RBM33: variants seen among roughly 807,000 people sequenced by gnomAD.
RBM33 encodes the protein RNA binding motif protein 33.
Under a neutral mutation model 132.6 loss-of-function variants are expected in RBM33, and 28 were observed. That is an observed-to-expected ratio of 0.21 (90% CI 0.16 to 0.29). The LOEUF (loss-of-function observed/expected upper bound fraction) is 0.29, where lower values mean the gene tolerates loss of function less well. Among genes scored for constraint, RBM33 ranks in the 10% least tolerant of loss-of-function variants. The pLI, the probability that RBM33 is intolerant of heterozygous loss-of-function variation, is 1.00. For synonymous variants in RBM33, 634 were observed against 593.0 expected, an observed-to-expected ratio of 1.07 and a Z score of -1.01; for missense variants, 1,291 against 1,518.5, an observed-to-expected ratio of 0.85 and a Z score of 2.49.
At chr7:155,689,632 A>C (rs1799575688) in intron 5 of RBM33, among the ~76,000 whole-genome samples, 1 of 152,176 alleles carries the variant, frequency 6.6e-6, no homozygotes, top group Non-Finnish European at 1.5e-5. Context: ...TTCCCTCTAC[A>C]CACTGCTTTA....
chr7:155,701,096 T>C, intron 6 of RBM33, 152 bp downstream of exon 6: 1 of 670,604 alleles, frequency 1.5e-6, no homozygotes, highest in South Asian at 1.7e-5. Flanking sequence ...GAGTGCTGTT[T>C]ATGGTACTGT....
At position 155,780,162 on chromosome 7, in the gene RBM33, G is replaced by A. The variant is rs1802765308; in HGVS notation, c.*5121G>A. Reference sequence around the variant, plus strand: ...CCCGTGGCGGAAGCTGGTTTTGCAAGGACTGTGTAAGCTGTATGCGTTCTA... The same window carrying A: ...CCCGTGGCGGAAGCTGGTTTTGCAAAGACTGTGTAAGCTGTATGCGTTCTA... On this transcript the variant is annotated 3_prime_UTR_variant, in exon 18 of 18. Transcript: ENST00000401878. 2 of 152,200 alleles carry A rather than the reference G, an allele frequency of 1.3e-5. No homozygotes were observed. The allele number at this position is 152,200 out of a possible 1,614,324, so 9.4% of individuals were successfully genotyped here.
At chr7:155,768,803 C>T (rs1380803280) in intron 16 of RBM33, among the ~76,000 whole-genome samples, 15 of 152,056 alleles carry the variant, frequency 9.9e-5, no homozygotes, top group Non-Finnish European at 1.6e-4. Context: ...TTAGTAGAGA[C>T]GAGGTTTCAC....
At chr7:155,654,110 T>G (rs1220120673) in intron 1 of RBM33, among the ~76,000 whole-genome samples, 1 of 152,008 alleles carries the variant, frequency 6.6e-6, no homozygotes, top group Non-Finnish European at 1.5e-5. Flanking sequence ...AAAACCAAAC[T>G]TATTAACTTC....
chr7:155,695,007 C>T (rs563567479), intron 5 of RBM33, among the ~76,000 whole-genome samples: 65 of 152,312 alleles, frequency 4.3e-4, no homozygotes, highest in Admixed American at 1.3e-3. Flanking sequence ...CCATTTGGCA[C>T]TCCCACCGGT....
rs571571952 is a variant in RBM33, at chr7:155,755,566, T to C, written c.2980-8246T>C. On this transcript the variant is annotated intron_variant, in intron 14 of 17. Transcript: ENST00000401878. The stretch of plus-strand genomic sequence containing the variant: ...TGGTTGGGGAATTTGTCAAGTGTTG[T>C]CACTCTAGAATAATGCTGCTTAGCG... Among the ~76,000 whole-genome samples, 13 of 152,354 alleles carry C rather than the reference T, an allele frequency of 8.5e-5. No homozygotes were observed. The East Asian group carries it at 2.3e-3, about 27-fold the overall frequency.
In RBM33 at chr7:155,745,801, G is replaced by T; in HGVS notation, c.2979+199G>T. On this transcript the variant is annotated intron_variant, in intron 14 of 17. Coordinates refer to ENST00000401878, the MANE Select transcript of RBM33 (RefSeq NM_053043.3). This position sits in a 1 kb window ranked among gnomAD's most constrained non-coding sequence, Gnocchi z 4.1. ...CATTCTCAGAAATGTGTTGTTAGGC[G>T]ATTTTGTCATTGTCTGAACGTGCTA... 3.3e-6 allele frequency: 2 copies of T among 603,850 alleles called. No individual in the cohort carries two copies. Among genetic ancestry groups the T allele is most frequent in the South Asian group, 4.2e-5 (2 of 48,032 alleles). The allele number at this position is 603,850 out of a possible 1,614,324, so 37.4% of individuals were successfully genotyped here.
At position 155,700,956 on chromosome 7, in the gene RBM33, G is replaced by A. The variant is rs766043186; in HGVS notation, c.739+12G>A. ...TCCAGAAACTTTGGGTAACTTTTTTGCCTGTCTCCCATCCTCCTTTACTCT... is the reference window on the plus strand; with the variant it reads ...TCCAGAAACTTTGGGTAACTTTTTTACCTGTCTCCCATCCTCCTTTACTCT... On this transcript the variant is annotated intron_variant, in intron 6 of 17. Coordinates refer to ENST00000401878, the MANE Select transcript of RBM33 (RefSeq NM_053043.3). The A allele has an allele frequency of 1.2e-6, 2 of 1,600,622 alleles. No individual in the cohort carries two copies. Among genetic ancestry groups the A allele is most frequent in the Non-Finnish European group, 1.7e-6 (2 of 1,170,762 alleles).
chr7:155,721,502 T>C (rs548222580), intron 9 of RBM33, among the ~76,000 whole-genome samples: 2 of 152,188 alleles, frequency 1.3e-5, no homozygotes, highest in African/African-American at 2.4e-5. Flanking sequence ...TATACAAGAA[T>C]GCAGCTTCAT....
chr7:155,705,980 T>TATA (rs1800100874), intron 6 of RBM33, among the ~76,000 whole-genome samples: 1 of 152,204 alleles, frequency 6.6e-6, no homozygotes, highest in Non-Finnish European at 1.5e-5. Flanking sequence ...ATTGAAATGA[T>TATA]ATGTATTAAA....
At position 155,745,149 on chromosome 7, in the gene RBM33, G is replaced by A. The variant is rs1291729432; in HGVS notation, c.2526G>A (p.Glu842=). 57 of 1,605,392 alleles carry A rather than the reference G, an allele frequency of 3.6e-5. No individual in the cohort carries two copies. Among genetic ancestry groups the A allele is most frequent in the Non-Finnish European group, 4.8e-5 (57 of 1,175,506 alleles). ...QQLYAPPPPA[E]QEEQALSPSP... is the part of the protein sequence containing the mutation. ...TGTACGCTCCCCCACCCCCAGCAGA[G>A]CAGGAAGAGCAGGCACTGTCACCAT... Residue 842 remains glutamate, a synonymous_variant, in exon 14 of 18, where the codon GAG becomes GAA. Coordinates refer to ENST00000401878, the MANE Select transcript of RBM33 (RefSeq NM_053043.3). The surrounding 1 kb of genome is among the most constrained non-coding windows in gnomAD (Gnocchi z 4.1).
chr7:155,706,810 C>G, intron 6 of RBM33, 50 bp from the exon 7 acceptor site: 1 of 1,430,564 alleles, frequency 7.0e-7, no homozygotes, highest in African/African-American at 1.4e-5. Context: ...CCTAGACCTC[C>G]AGTTTGGGCT....
intron 14 of RBM33, among the ~76,000 whole-genome samples, chr7:155,748,701 A>G (rs554987893): frequency 3.3e-5 from 5 of 151,606 alleles, no homozygotes; most frequent in Admixed American, 2.6e-4. Context: ...GGTTAATTAT[A>G]TCGCCTTTCA....
chr7:155,659,626 T>C (rs953668401), intron 1 of RBM33, among the ~76,000 whole-genome samples: 6 of 152,200 alleles, frequency 3.9e-5, no homozygotes, highest in South Asian at 2.1e-4. Context: ...TATATACACA[T>C]AGGAGACCCA....
At chr7:155,648,743 C>T (rs1377432351) in intron 1 of RBM33, among the ~76,000 whole-genome samples, 1 of 151,964 alleles carries the variant, frequency 6.6e-6, no homozygotes, top group African/African-American at 2.4e-5. Flanking sequence ...TTTAGCATTT[C>T]TTGTAGGGCA....
chr7:155,657,028 A>G (rs1017327350), intron 1 of RBM33, among the ~76,000 whole-genome samples: 1 of 152,060 alleles, frequency 6.6e-6, no homozygotes, highest in African/African-American at 2.4e-5. Flanking sequence ...TATGTGGTCA[A>G]GAAATAGTTG....
chr7:155,779,060 C>T lies in RBM33; in HGVS notation c.*4019C>T, dbSNP rs565933459. 6.6e-5 allele frequency: 10 copies of T among 152,374 alleles called. No individual in the cohort carries two copies. Among genetic ancestry groups the T allele is most frequent in the African/African-American group, 2.4e-4 (10 of 41,510 alleles). 9.4% of individuals were successfully genotyped at this position (152,374 alleles called of 1,614,324 possible). A position where few individuals can be genotyped will look rare whatever the true frequency, so the allele number is the denominator to read the frequency against. Reference sequence around the variant, plus strand: ...GCCCTTTGTGGGTGACTTCAGGCTTCCCGCTTTCGTGGTGCTCTTCCTGGG... The same window carrying T: ...GCCCTTTGTGGGTGACTTCAGGCTTTCCGCTTTCGTGGTGCTCTTCCTGGG... On this transcript the variant is annotated 3_prime_UTR_variant, in exon 18 of 18. Transcript: ENST00000401878.
chr7:155,745,455 C>G lies in RBM33; in HGVS notation c.2832C>G (p.Pro944=), dbSNP rs200429457. The G allele has an allele frequency of 1.2e-6, 2 of 1,613,834 alleles. No individual in the cohort carries two copies. The highest frequency in any genetic ancestry group is 4.5e-5 in the East Asian group (2 of 44,872). ...CAGATGTGGAGGAGCCAGCTGTCCC[C>G]CAGACTCCTCGAGTGGCGTCCATCC... The part of the protein sequence containing the change: ...KPADVEEPAV[P]QTPRVASIQG... Residue 944 remains proline (P), a synonymous_variant, in exon 14 of 18, where the codon CCC becomes CCG. Transcript: ENST00000401878. The surrounding 1 kb of genome is among the most constrained non-coding windows in gnomAD (Gnocchi z 4.1).
chr7:155,773,842 A>G (rs1802519811), intron 16 of RBM33, among the ~76,000 whole-genome samples: 1 of 152,138 alleles, frequency 6.6e-6, no homozygotes, highest in African/African-American at 2.4e-5. Flanking sequence ...GACTAGATGT[A>G]AGTTTCGCTT....
Sources: gnomAD v4.1 joint callset for allele counts (sites outside exome capture counted in the v4.1 genomes callset) on GRCh38, gnomAD v4.1.1 for gene constraint, Gnocchi (gnomAD v3.1) non-coding constraint, MANE v1.5 for transcripts, NCBI Gene and HGNC (gene_info 2026-07-23, HGNC 2026-07-21) for gene names.